Variants in EPHA6 observed in about 807,000 individuals in gnomAD.
The protein encoded by EPHA6 is EPH receptor A6.
Under a neutral mutation model 112.0 loss-of-function variants are expected in EPHA6, and 50 were observed. That is an observed-to-expected ratio of 0.45 (90% CI 0.36 to 0.56). EPHA6 has a LOEUF of 0.56. EPHA6 is among the 20% of genes least tolerant of loss of function. EPHA6 has a pLI of 0.00. For missense variants in EPHA6, 1,280 were observed against 1,417.4 expected (o/e 0.90, Z 1.56); for synonymous variants, 529 against 490.7 (o/e 1.08, Z -1.03).
chr3:96,934,886 C>A (rs1370362825), intron 2 of EPHA6, among the ~76,000 whole-genome samples: 1 of 149,466 alleles, frequency 6.7e-6, no homozygotes, highest in Non-Finnish European at 1.5e-5. Context: ...TAAATATTAT[C>A]TTTGCTCCTA....
At chr3:97,283,833 AAT>A (rs1388857558) in intron 5 of EPHA6, among the ~76,000 whole-genome samples, 1 of 152,150 alleles carries the variant, frequency 6.6e-6, no homozygotes, top group East Asian at 1.9e-4. Flanking sequence ...TGATAATTAA[AAT>A]ATGTTATAGA....
intron 2 of EPHA6, among the ~76,000 whole-genome samples, chr3:96,986,433 T>C (rs775677907): frequency 3.3e-5 from 5 of 152,152 alleles, no homozygotes; most frequent in African/African-American, 1.2e-4. Flanking sequence ...TGCCCACTTA[T>C]GCTCTTCCTC....
chr3:97,718,461 T>C (rs945832702), intron 14 of EPHA6, among the ~76,000 whole-genome samples: 1 of 152,230 alleles, frequency 6.6e-6, no homozygotes, highest in South Asian at 2.1e-4. Flanking sequence ...TGATTTGGTT[T>C]TTTTTAAGTA....
chr3:97,433,584 C>A (rs2107243666), intron 6 of EPHA6, among the ~76,000 whole-genome samples: 1 of 152,198 alleles, frequency 6.6e-6, no homozygotes, highest in South Asian at 2.1e-4. Flanking sequence ...GGTGACTAGG[C>A]ATACTTGGAA....
intron 13 of EPHA6, among the ~76,000 whole-genome samples, chr3:97,611,504 G>C (rs2093720101): frequency 6.6e-6 from 1 of 151,644 alleles, no homozygotes; most frequent in Non-Finnish European, 1.5e-5. Context: ...TAGATTTCAA[G>C]GTATATTTAT....
chr3:97,351,310 A>G (rs1295441378), intron 5 of EPHA6, among the ~76,000 whole-genome samples: 1 of 152,222 alleles, frequency 6.6e-6, no homozygotes, highest in Non-Finnish European at 1.5e-5. Context: ...GGATCAGGCT[A>G]TTTAGTGCTT....
intron 3 of EPHA6, among the ~76,000 whole-genome samples, chr3:97,116,161 T>C (rs565167853): frequency 2.4e-4 from 36 of 151,926 alleles, no homozygotes; most frequent in Non-Finnish European, 4.1e-4. Flanking sequence ...TGGCTAATCC[T>C]AAATATTTTG....
intron 13 of EPHA6, among the ~76,000 whole-genome samples, chr3:97,632,559 G>A (rs895185551): frequency 1.3e-5 from 2 of 151,978 alleles, no homozygotes; most frequent in African/African-American, 2.4e-5. Flanking sequence ...TACTCAGGGA[G>A]TGTTGTTAGA....
chr3:97,181,595 G>A (rs2076990435), intron 3 of EPHA6, among the ~76,000 whole-genome samples: 2 of 151,198 alleles, frequency 1.3e-5, no homozygotes, highest in African/African-American at 4.9e-5. Flanking sequence ...ATGTGTGTGT[G>A]TGTATATATG....
At chr3:96,930,340 C>A (rs753451221) in intron 2 of EPHA6, among the ~76,000 whole-genome samples, 1 of 152,072 alleles carries the variant, frequency 6.6e-6, no homozygotes, top group South Asian at 2.1e-4. Context: ...TTTTTTCCAT[C>A]TTTATGGGGT....
chr3:97,411,620 T>C (rs2087721941), intron 6 of EPHA6, among the ~76,000 whole-genome samples: 1 of 152,084 alleles, frequency 6.6e-6, no homozygotes, highest in African/African-American at 2.4e-5. Context: ...TTTACACTTT[T>C]GAATATGCTA....
At chr3:97,333,832 A>T (rs2082924756) in intron 5 of EPHA6, among the ~76,000 whole-genome samples, 1 of 151,968 alleles carries the variant, frequency 6.6e-6, no homozygotes, top group Admixed American at 6.6e-5. Flanking sequence ...TAGAAATTCC[A>T]GTACTACATT....
intron 11 of EPHA6, among the ~76,000 whole-genome samples, chr3:97,549,889 A>T (rs1360387142): frequency 6.6e-6 from 1 of 152,180 alleles, no homozygotes; most frequent in East Asian, 1.9e-4. Flanking sequence ...ATTTCCTGCT[A>T]GCTCTGGGGG....
At chr3:97,148,654 A>G (rs1274886821) in intron 3 of EPHA6, among the ~76,000 whole-genome samples, 1 of 152,098 alleles carries the variant, frequency 6.6e-6, no homozygotes, top group Non-Finnish European at 1.5e-5. Context: ...AAAAAATTAT[A>G]TCTAAAATGA....
At chr3:97,241,633 C>A (rs899682670) in intron 4 of EPHA6, among the ~76,000 whole-genome samples, 1 of 151,434 alleles carries the variant, frequency 6.6e-6, no homozygotes, top group Admixed American at 6.6e-5. Context: ...TATGTCATTA[C>A]AGCTTAATAT....
intron 1 of EPHA6, among the ~76,000 whole-genome samples, chr3:96,817,881 C>T (rs2032926803): frequency 6.6e-6 from 1 of 151,840 alleles, no homozygotes; most frequent in Non-Finnish European, 1.5e-5. Context: ...GAAAGGATCT[C>T]TTCTCTTGTC....
At chr3:97,050,312 G>A (rs995525269) in intron 3 of EPHA6, among the ~76,000 whole-genome samples, 3 of 152,142 alleles carry the variant, frequency 2.0e-5, no homozygotes, top group African/African-American at 7.2e-5. Context: ...AAGATTTCAC[G>A]AAAGAGGTAA....
At chr3:97,098,816 C>G (rs2047320813) in intron 3 of EPHA6, among the ~76,000 whole-genome samples, 2 of 151,872 alleles carry the variant, frequency 1.3e-5, no homozygotes, top group South Asian at 4.1e-4. Context: ...GCTGTGTCCA[C>G]AACTGATGAA....
intron 3 of EPHA6, among the ~76,000 whole-genome samples, chr3:97,223,292 G>A (rs1016664652): frequency 1.3e-5 from 2 of 152,218 alleles, no homozygotes; most frequent in Admixed American, 1.3e-4. Context: ...CAGATGTGAA[G>A]TTCTTTGGAG....
Sources: gnomAD v4.1 joint callset for allele counts (sites outside exome capture counted in the v4.1 genomes callset) on GRCh38, gnomAD v4.1.1 for gene constraint, MANE v1.5 for transcripts, NCBI Gene and HGNC (gene_info 2026-07-23, HGNC 2026-07-21) for gene names.